STK31: variants seen among roughly 807,000 people sequenced by gnomAD.
STK31 encodes serine/threonine-protein kinase 31.
STK31 carries 89 observed loss-of-function variants against 129.7 expected under a neutral mutation model. The observed-to-expected ratio is 0.69, with a 90% CI of 0.58 to 0.82. STK31 has a LOEUF of 0.82. STK31 is among the 40% of genes least tolerant of loss of function. STK31 has a pLI of 0.00. For synonymous variants in STK31, 448 were observed against 395.3 expected, an observed-to-expected ratio of 1.13 and a Z score of -1.58; for missense variants, 1,187 against 1,176.4, an observed-to-expected ratio of 1.01 and a Z score of -0.13.
rs751983208 is a variant in STK31 at position 23,769,751 on chromosome 7, C to G, written c.1708C>G (p.Leu570Val). The G allele has an allele frequency of 5.8e-5, 93 of 1,597,370 alleles. No homozygotes were observed. Among genetic ancestry groups the G allele is most frequent in the Non-Finnish European group, 7.7e-5 (90 of 1,167,988 alleles). ...SSVCKELEIA[L>V]VDQGDADKEI... ...TGTCTGCAAAGAGCTGGAGATAGCT[C>G]TGGTTGTGAGTATCGATATTCTTTA... The change falls in exon 13 of 24, where the codon CTG (leucine) becomes GTG (valine). Residue 570 changes from leucine to valine, a missense_variant. By Grantham distance (32) the Leu-to-Val change is conservative. Around this residue, in one of 5 missense-constraint regions of STK31, gnomAD observed 975 missense variants for 934.9 expected, o/e 1.04. Coordinates refer to ENST00000355870, the MANE Select transcript of STK31 (RefSeq NM_031414.5).
intron 22 of STK31, among the ~76,000 whole-genome samples, chr7:23,802,230 G>A (rs941089328): frequency 7.2e-5 from 11 of 152,104 alleles, no homozygotes; most frequent in Non-Finnish European, 1.2e-4. Context: ...TGGTGTGGCC[G>A]CATTCCAGGG....
chr7:23,785,536 T>C lies in STK31; in HGVS notation c.2207T>C (p.Met736Thr), dbSNP rs1421740162. The stretch of plus-strand genomic sequence containing the variant: ...CGAGATCTTCTTGATGCTGAGCCCA[T>C]GAAGGAACTTAGCAGCAAGCGTCCT... ...LERDLLDAEPMKELSSKRPLV... is the reference protein window; with the variant it reads ...LERDLLDAEPTKELSSKRPLV... Residue 736 changes from methionine to threonine, a missense_variant, in exon 18 of 24, where the codon ATG becomes ACG. Around this residue, in one of 5 missense-constraint regions of STK31, gnomAD observed 975 missense variants for 934.9 expected, o/e 1.04. Transcript: ENST00000355870. 1 of 1,614,052 alleles carries C rather than the reference T, an allele frequency of 6.2e-7. No homozygotes were observed. Among genetic ancestry groups the C allele is most frequent in the East Asian group, 2.2e-5 (1 of 44,874 alleles).
At chr7:23,799,938 A>G (rs2128119811) in intron 22 of STK31, among the ~76,000 whole-genome samples, 1 of 152,332 alleles carries the variant, frequency 6.6e-6, no homozygotes, top group South Asian at 2.1e-4. Context: ...ATAAACCGAC[A>G]CTTCTCAAAA....
At chr7:23,740,377 T>C (rs1787986501) in intron 8 of STK31, among the ~76,000 whole-genome samples, 3 of 152,344 alleles carry the variant, frequency 2.0e-5, no homozygotes, top group East Asian at 3.9e-4. Context: ...ACAGCTGATA[T>C]TCATAATGGA....
chr7:23,776,907 T>C (rs1188562759), intron 15 of STK31, among the ~76,000 whole-genome samples: 1 of 152,220 alleles, frequency 6.6e-6, no homozygotes, highest in Non-Finnish European at 1.5e-5. Context: ...CTTCTAATTG[T>C]GATGTTAGGG....
chr7:23,738,102 C>T (rs1432156131), intron 8 of STK31, among the ~76,000 whole-genome samples: 2 of 152,036 alleles, frequency 1.3e-5, no homozygotes, highest in South Asian at 2.1e-4. Context: ...TGCATATCTA[C>T]CCCCCCACTA....
At chr7:23,768,448 T>C (rs1789966678) in intron 11 of STK31, among the ~76,000 whole-genome samples, 2 of 152,236 alleles carry the variant, frequency 1.3e-5, no homozygotes, top group African/African-American at 4.8e-5. Flanking sequence ...TTAGAATTAT[T>C]TGTATATTTT....
At chr7:23,775,668 C>T (rs1038561619) in intron 15 of STK31, among the ~76,000 whole-genome samples, 3 of 152,022 alleles carry the variant, frequency 2.0e-5, no homozygotes, top group African/African-American at 7.2e-5. Context: ...GTGATTTTTG[C>T]ACATTGATTT....
intron 22 of STK31, among the ~76,000 whole-genome samples, chr7:23,810,740 AAAATAGAT>A (rs1257525754): frequency 8.3e-5 from 11 of 132,506 alleles, no homozygotes; most frequent in African/African-American, 2.3e-4. Flanking sequence ...AGATATATAT[AAAATAGAT>A]ATATATAATA....
intron 15 of STK31, among the ~76,000 whole-genome samples, chr7:23,779,866 C>G (rs541586521): frequency 7.9e-5 from 12 of 152,262 alleles, no homozygotes; most frequent in Admixed American, 7.8e-4. Flanking sequence ...TGCTGGCATT[C>G]CAGGTGCAAG....
At chr7:23,805,354 G>A (rs1308827000) in intron 22 of STK31, among the ~76,000 whole-genome samples, 1 of 152,230 alleles carries the variant, frequency 6.6e-6, no homozygotes, top group Non-Finnish European at 1.5e-5. Context: ...AGGATTACAG[G>A]CGTGAGCCAC....
intron 14 of STK31, chr7:23,771,926 C>T: frequency 6.8e-6 from 2 of 294,554 alleles, no homozygotes; most frequent in Non-Finnish European, 1.2e-5. Flanking sequence ...TTACTTTTGT[C>T]TTTGTTACTT....
At chr7:23,742,488 C>T (rs1259429424) in intron 8 of STK31, among the ~76,000 whole-genome samples, 1 of 152,172 alleles carries the variant, frequency 6.6e-6, no homozygotes, top group Non-Finnish European at 1.5e-5. Flanking sequence ...GTGTGGATTC[C>T]TTTTCTGGAA....
intron 8 of STK31, among the ~76,000 whole-genome samples, chr7:23,751,365 T>C (rs1788696330): frequency 6.6e-6 from 1 of 152,208 alleles, no homozygotes; most frequent in Non-Finnish European, 1.5e-5. Context: ...AAATACTCAG[T>C]GGTTCCTGCA....
intron 8 of STK31, among the ~76,000 whole-genome samples, chr7:23,742,124 G>T (rs529427591): frequency 6.6e-6 from 1 of 152,316 alleles, no homozygotes; most frequent in East Asian, 1.9e-4. Context: ...GTCCTTTGCT[G>T]GGCAGTGACT....
chr7:23,779,175 G>A (rs1790750297), intron 15 of STK31, among the ~76,000 whole-genome samples: 1 of 152,184 alleles, frequency 6.6e-6, no homozygotes. Flanking sequence ...GGAGACTGCA[G>A]AACAGCAAAG....
intron 21 of STK31, among the ~76,000 whole-genome samples, 186 bp from the exon 22 acceptor site, chr7:23,790,638 T>C (rs150113065): frequency 2.0e-5 from 3 of 152,290 alleles, no homozygotes; most frequent in Non-Finnish European, 2.9e-5. Context: ...AAAAGTCCCA[T>C]AGTTAATTTA....
At chr7:23,828,006 T>G (rs972115333) in intron 23 of STK31, among the ~76,000 whole-genome samples, 2 of 152,190 alleles carry the variant, frequency 1.3e-5, no homozygotes, top group African/African-American at 2.4e-5. Context: ...CCACCCGTAC[T>G]GGGGGGTGCC....
intron 23 of STK31, among the ~76,000 whole-genome samples, chr7:23,826,978 G>T (rs1019003104): frequency 1.3e-5 from 2 of 152,052 alleles, no homozygotes; most frequent in Non-Finnish European, 2.9e-5. Flanking sequence ...TAGTCTGATG[G>T]GCTTCCCTTT....
Sources: allele counts gnomAD v4.1 joint callset (sites outside exome capture counted in the v4.1 genomes callset), GRCh38; gene constraint gnomAD v4.1.1; regional missense constraint gnomAD v4.1.1; transcripts MANE v1.5; gene names NCBI Gene and HGNC (gene_info 2026-07-23, HGNC 2026-07-21).